AMOTL1: variants seen among roughly 807,000 people sequenced by gnomAD.
The protein encoded by AMOTL1 is angiomotin-like protein 1.
AMOTL1 carries 45 observed loss-of-function variants against 102.9 expected under a neutral mutation model. The observed-to-expected ratio is 0.44, with a 90% CI of 0.34 to 0.56. The LOEUF (loss-of-function observed/expected upper bound fraction) is 0.56. Among genes scored for constraint, AMOTL1 ranks in the 20% least tolerant of loss-of-function variants. The pLI is 0.01. For missense variants in AMOTL1, 1,114 were observed against 1,225.6 expected, an observed-to-expected ratio of 0.91 and a Z score of 1.36; for synonymous variants, 481 against 484.7, an observed-to-expected ratio of 0.99 and a Z score of 0.10.
chr11:94,749,037 T>C (rs1290784971), intron 3 of AMOTL1, among the ~76,000 whole-genome samples: 2 of 152,132 alleles, frequency 1.3e-5, no homozygotes, highest in Non-Finnish European at 2.9e-5. Flanking sequence ...ATAGGTATAG[T>C]TGGATGAGAG....
chr11:94,769,214 T>C (rs189202615), intron 1 of AMOTL1, among the ~76,000 whole-genome samples: 57 of 152,360 alleles, frequency 3.7e-4, no homozygotes, highest in African/African-American at 1.3e-3. Flanking sequence ...TTTACAATAA[T>C]CTGCTTTCGC....
At chr11:94,754,100 TTAAG>T (rs1950691313) in intron 3 of AMOTL1, among the ~76,000 whole-genome samples, 1 of 151,960 alleles carries the variant, frequency 6.6e-6, no homozygotes, top group South Asian at 2.1e-4. Context: ...TTGGAAGGGG[TTAAG>T]TGAGATAATA....
chr11:94,781,966 C>A (rs1473280984), intron 1 of AMOTL1, among the ~76,000 whole-genome samples: 1 of 152,166 alleles, frequency 6.6e-6, no homozygotes, highest in Non-Finnish European at 1.5e-5. Flanking sequence ...AAGCTCATTT[C>A]CACTTAGGAA....
chr11:94,735,125 GT>G (rs1950419233), intron 2 of AMOTL1, among the ~76,000 whole-genome samples: 1 of 152,230 alleles, frequency 6.6e-6, no homozygotes, highest in Admixed American at 6.5e-5. Flanking sequence ...AGAACAGCCT[GT>G]AAAGGCCCTC....
chr11:94,737,990 A>T (rs1411943286), intron 2 of AMOTL1, among the ~76,000 whole-genome samples: 1 of 152,258 alleles, frequency 6.6e-6, no homozygotes, highest in Admixed American at 6.5e-5. Context: ...ATTTTTAAAA[A>T]GACAGGATCA....
At chr11:94,750,085 A>T (rs1950633710) in intron 3 of AMOTL1, among the ~76,000 whole-genome samples, 1 of 152,206 alleles carries the variant, frequency 6.6e-6, no homozygotes, top group African/African-American at 2.4e-5. Context: ...GGCTTGGGTC[A>T]TGTTACCCAC....
intron 3 of AMOTL1, among the ~76,000 whole-genome samples, chr11:94,753,180 G>T (rs889636200): frequency 6.6e-6 from 1 of 152,084 alleles, no homozygotes; most frequent in African/African-American, 2.4e-5. Context: ...CCCCTCCACT[G>T]GTTCCCCTCC....
At chr11:94,840,497 G>T (rs188584891) in intron 6 of AMOTL1, among the ~76,000 whole-genome samples, 2 of 151,890 alleles carry the variant, frequency 1.3e-5, no homozygotes, top group African/African-American at 2.4e-5. Flanking sequence ...AGAAGGGAGA[G>T]AATATAATTG....
intron 1 of AMOTL1, among the ~76,000 whole-genome samples, chr11:94,781,618 C>T (rs1349504492): frequency 6.6e-6 from 1 of 151,972 alleles, no homozygotes; most frequent in East Asian, 1.9e-4. Context: ...TGGTGGATCA[C>T]GAGGTCAGGA....
chr11:94,813,015 C>T (rs1329120124), intron 3 of AMOTL1, among the ~76,000 whole-genome samples: 1 of 152,248 alleles, frequency 6.6e-6, no homozygotes, highest in Non-Finnish European at 1.5e-5. Flanking sequence ...TGTAGCCATC[C>T]ATAGCGAAAG....
intron 9 of AMOTL1, among the ~76,000 whole-genome samples, chr11:94,861,256 A>G (rs1229859487): frequency 6.6e-6 from 1 of 152,228 alleles, no homozygotes; most frequent in Admixed American, 6.5e-5. Flanking sequence ...CCTCCAGTTC[A>G]GTCCCTGCAG....
chr11:94,787,130 G>C (rs1951202830), intron 1 of AMOTL1, among the ~76,000 whole-genome samples: 1 of 152,048 alleles, frequency 6.6e-6, no homozygotes, highest in South Asian at 2.1e-4. Context: ...GGGGAGCACT[G>C]AGTAGCATAT....
chr11:94,814,978 C>G (rs766371856), intron 3 of AMOTL1, among the ~76,000 whole-genome samples: 12 of 152,192 alleles, frequency 7.9e-5, no homozygotes, highest in Admixed American at 1.3e-4. Flanking sequence ...TAAATTTTTT[C>G]TATTACAGCA....
intron 11 of AMOTL1, chr11:94,866,459 A>G: frequency 4.8e-6 from 2 of 414,230 alleles, no homozygotes; most frequent in Non-Finnish European, 9.0e-6. Context: ...CTCTCATAGA[A>G]AAGCCTAGAG....
chr11:94,825,576 C>T (rs1392798273), intron 4 of AMOTL1, among the ~76,000 whole-genome samples: 1 of 152,110 alleles, frequency 6.6e-6, no homozygotes, highest in African/African-American at 2.4e-5. Context: ...CTCCCTGACA[C>T]CTAGGCCGAA....
intron 1 of AMOTL1, among the ~76,000 whole-genome samples, chr11:94,718,543 G>A (rs1950129833): frequency 6.6e-6 from 1 of 151,836 alleles, no homozygotes; most frequent in African/African-American, 2.4e-5. Flanking sequence ...TTCTACCAAA[G>A]TTAGAGAATA....
intron 3 of AMOTL1, among the ~76,000 whole-genome samples, chr11:94,805,978 G>A (rs1331969629): frequency 6.6e-6 from 1 of 152,202 alleles, no homozygotes; most frequent in East Asian, 1.9e-4. Flanking sequence ...GAGGGAACCT[G>A]TGGTATGACC....
At chr11:94,805,610 A>G (rs11824967) in intron 3 of AMOTL1, among the ~76,000 whole-genome samples, 2,395 of 152,314 alleles carry the variant, frequency 0.016, 65 homozygotes, top group African/African-American at 0.055. Flanking sequence ...CTCAGCCTGT[A>G]CATTGCCTTT....
intron 1 of AMOTL1, among the ~76,000 whole-genome samples, chr11:94,724,108 T>C (rs900811810): frequency 2.0e-5 from 3 of 152,078 alleles, no homozygotes; most frequent in African/African-American, 4.8e-5. Context: ...AAGATCCCAT[T>C]GTGTGACCTC....
Sources: allele counts gnomAD v4.1 joint callset (sites outside exome capture counted in the v4.1 genomes callset), GRCh38; gene constraint gnomAD v4.1.1; transcripts MANE v1.5; gene names NCBI Gene and HGNC (gene_info 2026-07-23, HGNC 2026-07-21).